Variants in MAPK10 observed in about 807,000 individuals in gnomAD.
MAPK10 encodes mitogen-activated protein kinase 10.
MAPK10 carries 25 observed loss-of-function variants against 59.3 expected under a neutral mutation model. The ratio of observed to expected loss-of-function variants is 0.42; its 90% CI spans 0.31 to 0.59. The LOEUF is 0.59. Ranked by LOEUF, MAPK10 falls within the 20% of genes least tolerant of loss-of-function variation. The probability of loss-of-function intolerance (pLI) is 0.15; values close to 1 mark genes in which losing one functional copy is unlikely to be tolerated. For synonymous variants in MAPK10, 190 were observed against 200.5 expected (o/e 0.95, Z 0.44); for missense variants, 351 against 568.9 (o/e 0.62, Z 3.90).
At chr4:86,022,383 T>A (rs866044167) in intron 13 of MAPK10, among the ~76,000 whole-genome samples, 1 of 152,234 alleles carries the variant, frequency 6.6e-6, no homozygotes, top group African/African-American at 2.4e-5. Context: ...TGTCAGCCAT[T>A]AGTATATCTT....
At chr4:86,551,637 A>T (rs1244559055) in intron 1 of MAPK10, among the ~76,000 whole-genome samples, 2 of 142,034 alleles carry the variant, frequency 1.4e-5, no homozygotes, top group Non-Finnish European at 3.0e-5. Context: ...ATGGAGTCTC[A>T]CTCTATCACC....
chr4:86,479,956 G>C (rs1285344645), intron 1 of MAPK10, among the ~76,000 whole-genome samples: 1 of 151,862 alleles, frequency 6.6e-6, no homozygotes, highest in Non-Finnish European at 1.5e-5. Flanking sequence ...AAGCATCCCT[G>C]AGAAACATCG....
chr4:86,250,824 T>C (rs2093373349), intron 2 of MAPK10, among the ~76,000 whole-genome samples: 1 of 152,190 alleles, frequency 6.6e-6, no homozygotes, highest in South Asian at 2.1e-4. Flanking sequence ...CCAGTGGTCA[T>C]GAGCTACAAC....
intron 3 of MAPK10, among the ~76,000 whole-genome samples, chr4:86,167,960 A>T (rs908268190): frequency 1.3e-5 from 2 of 152,220 alleles, no homozygotes; most frequent in African/African-American, 4.8e-5. Flanking sequence ...AGATGACATG[A>T]TCCTATATCT....
intron 2 of MAPK10, among the ~76,000 whole-genome samples, chr4:86,318,954 TAA>T (rs1437603558): frequency 6.6e-6 from 1 of 152,166 alleles, no homozygotes; most frequent in African/African-American, 2.4e-5. Flanking sequence ...CTTCCAACTC[TAA>T]GTAGAAAGGC....
intron 1 of MAPK10, among the ~76,000 whole-genome samples, chr4:86,544,046 A>C (rs1480716968): frequency 1.3e-5 from 2 of 152,188 alleles, no homozygotes; most frequent in Non-Finnish European, 2.9e-5. Context: ...CTCTTTGTCC[A>C]ATATAGTGTT....
intron 1 of MAPK10, among the ~76,000 whole-genome samples, chr4:86,532,083 CAT>C (rs34903931): frequency 3.4e-5 from 5 of 146,872 alleles, no homozygotes; most frequent in Admixed American, 1.4e-4. Flanking sequence ...TATATATATA[CAT>C]ATATATATAC....
intron 1 of MAPK10, among the ~76,000 whole-genome samples, chr4:86,437,324 G>C (rs750327592): frequency 6.6e-6 from 1 of 151,182 alleles, no homozygotes; most frequent in Non-Finnish European, 1.5e-5. Flanking sequence ...TTTAAATCTT[G>C]ATGGGATATT....
At chr4:86,374,517 G>A (rs929755835) in intron 1 of MAPK10, among the ~76,000 whole-genome samples, 3 of 152,174 alleles carry the variant, frequency 2.0e-5, no homozygotes, top group Non-Finnish European at 4.4e-5. Flanking sequence ...GGAGCCTATG[G>A]AAAGGTGGCA....
At position 86,233,496 on chromosome 4, in the gene MAPK10, C is replaced by G. The variant is rs115696490; in HGVS notation, c.-6-39089G>C. 1.5e-3 allele frequency among the ~76,000 whole-genome samples: 222 copies of G among 152,246 alleles called. 1 individual carries two copies. Among genetic ancestry groups the G allele is most frequent in the African/African-American group, 4.9e-3 (202 of 41,544 alleles). ...CTCCCCAGGCATTAACCTCCCTCCC[C>G]CAAGGAGCTTCCTTTGAAAGCTAAC... On this transcript the variant is annotated intron_variant, in intron 2 of 13. Coordinates refer to ENST00000641462, the MANE Select transcript of MAPK10 (RefSeq NM_138982.4).
chr4:86,316,594 C>T (rs747681648), intron 2 of MAPK10, among the ~76,000 whole-genome samples: 2 of 151,836 alleles, frequency 1.3e-5, no homozygotes, highest in African/African-American at 4.8e-5. Context: ...TCTCATTGGT[C>T]GAAATAAGAC....
intron 1 of MAPK10, among the ~76,000 whole-genome samples, chr4:86,575,381 A>T (rs1437381611): frequency 2.6e-5 from 4 of 152,180 alleles, no homozygotes; most frequent in African/African-American, 7.2e-5. Context: ...TGGGAAAGAG[A>T]TCCATCCTAT....
chr4:86,460,952 C>T (rs1751679399), intron 1 of MAPK10, among the ~76,000 whole-genome samples: 1 of 152,174 alleles, frequency 6.6e-6, no homozygotes, highest in African/African-American at 2.4e-5. Context: ...TCCCTCTCCA[C>T]ATGCTATATT....
At chr4:86,485,536 T>C (rs745591976) in intron 1 of MAPK10, among the ~76,000 whole-genome samples, 2 of 152,158 alleles carry the variant, frequency 1.3e-5, no homozygotes, top group Non-Finnish European at 2.9e-5. Context: ...AGAATGAATA[T>C]GCAAATAGTT....
intron 1 of MAPK10, among the ~76,000 whole-genome samples, chr4:86,435,162 A>G (rs760783427): frequency 2.6e-5 from 4 of 152,166 alleles, no homozygotes; most frequent in Admixed American, 6.5e-5. Context: ...GAAAAAAAGA[A>G]TATAAAGGTA....
chr4:86,376,958 C>A (rs1739915333), intron 1 of MAPK10, among the ~76,000 whole-genome samples: 1 of 152,156 alleles, frequency 6.6e-6, no homozygotes, highest in Non-Finnish European at 1.5e-5. Flanking sequence ...TGTTGGGCAT[C>A]CCTGCTCCAG....
At chr4:86,053,001 A>T (rs1232774608) in intron 11 of MAPK10, among the ~76,000 whole-genome samples, 3 of 151,890 alleles carry the variant, frequency 2.0e-5, no homozygotes, top group East Asian at 1.9e-4. Context: ...TTTTTTTTTA[A>T]AAAGAAGAAT....
At chr4:86,112,160 AC>A (rs762005811) in intron 4 of MAPK10, among the ~76,000 whole-genome samples, 10 of 145,506 alleles carry the variant, frequency 6.9e-5, no homozygotes, top group Non-Finnish European at 1.2e-4. Flanking sequence ...AAAAAAAAAA[AC>A]CAGCTCCTGA....
At chr4:86,372,485 C>A (rs1315979990) in intron 1 of MAPK10, among the ~76,000 whole-genome samples, 1 of 146,480 alleles carries the variant, frequency 6.8e-6, no homozygotes, top group Admixed American at 7.1e-5. Flanking sequence ...CCACTGCACT[C>A]CAGACTGGCG....
Sources: allele counts gnomAD v4.1 joint callset (sites outside exome capture counted in the v4.1 genomes callset), GRCh38; gene constraint gnomAD v4.1.1; transcripts MANE v1.5; gene names NCBI Gene and HGNC (gene_info 2026-07-23, HGNC 2026-07-21).